ADGRL3: variants seen among roughly 807,000 people sequenced by gnomAD.
The protein encoded by ADGRL3 is adhesion G protein-coupled receptor L3, also known as calcium-independent alpha-latrotoxin receptor 3.
In ADGRL3, 62 loss-of-function variants were observed where a neutral mutation model predicts 153.5. That is an observed-to-expected ratio of 0.40 (90% CI 0.33 to 0.50). ADGRL3 has a LOEUF of 0.50. ADGRL3 is among the 20% of genes least tolerant of loss of function. The pLI, the probability that ADGRL3 is intolerant of heterozygous loss-of-function variation, is 0.47. For synonymous variants in ADGRL3, 710 were observed against 672.5 expected (o/e 1.06, Z -0.86); for missense variants, 1,641 against 1,859.4 (o/e 0.88, Z 2.16).
At chr4:61,225,831 C>G (rs1388419425) in intron 1 of ADGRL3, among the ~76,000 whole-genome samples, 4 of 152,146 alleles carry the variant, frequency 2.6e-5, no homozygotes, top group African/African-American at 9.7e-5. Context: ...AACTCCAGCT[C>G]CTTAAGTTCT....
intron 11 of ADGRL3, among the ~76,000 whole-genome samples, chr4:61,909,092 G>A (rs1354656170): frequency 6.6e-6 from 1 of 152,088 alleles, no homozygotes; most frequent in Admixed American, 6.6e-5. Context: ...GAAAAGCCTG[G>A]ATTTTATTTC....
chr4:61,980,436 G>C (rs1159587950), intron 18 of ADGRL3, among the ~76,000 whole-genome samples: 1 of 141,686 alleles, frequency 7.1e-6, no homozygotes, highest in Non-Finnish European at 1.5e-5. Context: ...TTCTTTCTTT[G>C]TTTTTCTTTC....
At position 61,514,569 on chromosome 4, in the gene ADGRL3, G is replaced by A. The variant is rs146739998; in HGVS notation, c.56-2746G>A. Among the ~76,000 whole-genome samples the A allele has an allele frequency of 1.2e-4, 19 of 152,118 alleles. No homozygotes were observed. In the East Asian group the frequency reaches 3.5e-3, roughly 28 times the overall value. On this transcript the variant is annotated intron_variant, in intron 3 of 26. Coordinates refer to ENST00000683033, the MANE Select transcript of ADGRL3 (RefSeq NM_001387552.1). The stretch of plus-strand genomic sequence containing the variant: ...CTGTTCTAATAATCCTTCTCTATGT[G>A]GGCAGTGTAACAGCCTCTCTAGTTT...
At chr4:61,287,302 G>T (rs748739449) in intron 1 of ADGRL3, among the ~76,000 whole-genome samples, 4 of 151,654 alleles carry the variant, frequency 2.6e-5, no homozygotes, top group African/African-American at 4.8e-5. Context: ...CTGTGATATC[G>T]CCTGCAAGAG....
intron 5 of ADGRL3, among the ~76,000 whole-genome samples, chr4:61,658,916 A>G (rs2150531984): frequency 6.6e-6 from 1 of 152,294 alleles, no homozygotes; most frequent in African/African-American, 2.4e-5. Context: ...AGGGTAGCTT[A>G]AAACAACATA....
chr4:61,640,126 A>C (rs570573052), intron 5 of ADGRL3, among the ~76,000 whole-genome samples: 2 of 152,220 alleles, frequency 1.3e-5, no homozygotes, highest in South Asian at 4.1e-4. Context: ...AATCATTTAA[A>C]CTGCTGTGAC....
chr4:61,298,292 G>A (rs2094476218), intron 1 of ADGRL3, among the ~76,000 whole-genome samples: 1 of 152,106 alleles, frequency 6.6e-6, no homozygotes, highest in Non-Finnish European at 1.5e-5. Context: ...TAATATTCAA[G>A]GGAATAGAAT....
intron 2 of ADGRL3, among the ~76,000 whole-genome samples, chr4:61,462,002 A>G (rs2097825576): frequency 6.6e-6 from 1 of 152,234 alleles, no homozygotes. Flanking sequence ...TATTAACTGT[A>G]CAAGAGGTAA....
intron 17 of ADGRL3, among the ~76,000 whole-genome samples, chr4:61,958,479 C>G (rs920047769): frequency 3.3e-5 from 5 of 151,780 alleles, no homozygotes; most frequent in Non-Finnish European, 7.4e-5. Context: ...CATTTTCACA[C>G]TGCTATAAAG....
intron 8 of ADGRL3, among the ~76,000 whole-genome samples, chr4:61,759,470 C>T (rs1044477918): frequency 5.9e-5 from 9 of 152,298 alleles, no homozygotes; most frequent in Middle Eastern, 3.4e-3. Context: ...AGATCGACTA[C>T]GAGGCTTGTG....
At chr4:61,408,689 G>A (rs1209047775) in intron 2 of ADGRL3, among the ~76,000 whole-genome samples, 3 of 151,958 alleles carry the variant, frequency 2.0e-5, no homozygotes, top group African/African-American at 4.8e-5. Context: ...AAAAGAATCA[G>A]TAATGATACA....
intron 5 of ADGRL3, among the ~76,000 whole-genome samples, chr4:61,589,605 T>A (rs1017368022): frequency 1.3e-5 from 2 of 152,082 alleles, no homozygotes; most frequent in South Asian, 4.1e-4. Context: ...AAAGAGACTA[T>A]ATCAGAGTCT....
intron 1 of ADGRL3, among the ~76,000 whole-genome samples, chr4:61,264,303 A>G (rs911401646): frequency 3.9e-5 from 6 of 152,050 alleles, no homozygotes; most frequent in Non-Finnish European, 7.4e-5. Flanking sequence ...AAAATGTTTC[A>G]TGTAGGTCCA....
chr4:61,422,320 C>A (rs976256528), intron 2 of ADGRL3, among the ~76,000 whole-genome samples: 1 of 152,158 alleles, frequency 6.6e-6, no homozygotes, highest in African/African-American at 2.4e-5. Context: ...TTAAAACATT[C>A]TTAAATATTT....
At chr4:61,875,764 T>C (rs1279791690) in intron 9 of ADGRL3, among the ~76,000 whole-genome samples, 2 of 152,244 alleles carry the variant, frequency 1.3e-5, no homozygotes, top group African/African-American at 4.8e-5. Flanking sequence ...TACTATTTTA[T>C]CTATTTGATT....
At chr4:62,058,362 C>G (rs1321603412) in intron 25 of ADGRL3, among the ~76,000 whole-genome samples, 3 of 152,092 alleles carry the variant, frequency 2.0e-5, no homozygotes, top group Non-Finnish European at 4.4e-5. Flanking sequence ...ACAATTGACA[C>G]TCTTAAAAAA....
chr4:62,063,734 G>A (rs749916081), intron 25 of ADGRL3: 14 of 525,124 alleles, frequency 2.7e-5, no homozygotes, highest in Admixed American at 2.0e-4. Flanking sequence ...TCTTTGTTTT[G>A]GAAGCAGACC....
At chr4:61,825,254 G>A (rs1349194796) in intron 9 of ADGRL3, among the ~76,000 whole-genome samples, 1 of 152,104 alleles carries the variant, frequency 6.6e-6, no homozygotes, top group Non-Finnish European at 1.5e-5. Flanking sequence ...TATGGCCATG[G>A]ACAAAACCAT....
chr4:61,502,115 G>GAAA (rs1261379610), intron 3 of ADGRL3, among the ~76,000 whole-genome samples: 2 of 152,062 alleles, frequency 1.3e-5, no homozygotes, highest in African/African-American at 4.8e-5. Flanking sequence ...GGGAGCAAGG[G>GAAA]AAAATAAGGA....
Sources: allele counts gnomAD v4.1 joint callset (sites outside exome capture counted in the v4.1 genomes callset), GRCh38; gene constraint gnomAD v4.1.1; transcripts MANE v1.5; gene names NCBI Gene and HGNC (gene_info 2026-07-23, HGNC 2026-07-21).